The following BRD4 variants were observed in gnomAD, a reference collection of about 807,000 sequenced individuals.
BRD4 encodes the protein bromodomain containing 4.
Under a neutral mutation model 142.1 loss-of-function variants are expected in BRD4, and 16 were observed. That is an observed-to-expected ratio of 0.11 (90% CI 0.08 to 0.17). The LOEUF (loss-of-function observed/expected upper bound fraction) is 0.17. BRD4 is among the 10% of genes least tolerant of loss of function. The pLI is 1.00. For synonymous variants in BRD4, 833 were observed against 707.5 expected (o/e 1.18, Z -2.82); for missense variants, 1,424 against 1,810.9 (o/e 0.79, Z 3.88).
intron 11 of BRD4, chr19:15,246,908 G>GTACC: frequency 5.8e-6 from 1 of 171,876 alleles, no homozygotes; most frequent in Non-Finnish European, 1.3e-5. Flanking sequence ...GGTGGTAGAG[G>GTACC]TACCCCCTTC....
chr19:15,241,347 G>A lies in BRD4; in HGVS notation c.3170-1325C>T, dbSNP rs538526008. Among the ~76,000 whole-genome samples the A allele has an allele frequency of 7.2e-5, 11 of 152,364 alleles. No homozygotes were observed. The East Asian group carries it at 2.1e-3, about 29-fold the overall frequency. ...GACCTGGGCAACGGTAGGCTCCAGG[G>A]GCTGTGGTTTATAGAAACCACCTGC... On this transcript the variant is annotated intron_variant, in intron 14 of 19. Coordinates refer to ENST00000679869, the MANE Select transcript of BRD4 (RefSeq NM_001379291.1).
At chr19:15,250,023 G>A (rs1477103505) in intron 11 of BRD4, among the ~76,000 whole-genome samples, 3 of 152,118 alleles carry the variant, frequency 2.0e-5, no homozygotes, top group South Asian at 2.1e-4. Context: ...ACCAGGGAGG[G>A]GCACTGGGCT....
chr19:15,297,735 G>A (rs933816432), intron 1 of BRD4, among the ~76,000 whole-genome samples: 1 of 152,152 alleles, frequency 6.6e-6, no homozygotes, highest in Admixed American at 6.5e-5. Flanking sequence ...ACTCTAACCA[G>A]GCGTCCTCAC....
chr19:15,283,635 T>C (rs1415011783), intron 1 of BRD4, among the ~76,000 whole-genome samples: 2 of 152,286 alleles, frequency 1.3e-5, no homozygotes, highest in East Asian at 1.9e-4. Flanking sequence ...TCCTGTTATG[T>C]GTAAGTGGAA....
intron 1 of BRD4, among the ~76,000 whole-genome samples, chr19:15,275,061 GT>G (rs2047631640): frequency 6.6e-6 from 1 of 152,030 alleles, no homozygotes; most frequent in Admixed American, 6.6e-5. Context: ...GTTTCACCAT[GT>G]TGGCCAGGCT....
Position 15,238,844 on chromosome 19 carries a change from C to G in BRD4, c.3919G>C (p.Ala1307Pro). The G allele has an allele frequency of 6.2e-7, 1 of 1,601,630 alleles. No homozygotes were observed. The change falls in exon 19 of 20, where the codon GCC becomes CCC. Residue 1307 changes from alanine (A) to proline (P), a missense_variant. Physicochemically the swap from Ala to Pro is conservative, Grantham distance 27. Around this residue, in one of 16 missense-constraint regions of BRD4, gnomAD observed 109 missense variants for 117.9 expected, o/e 0.92. Transcript: ENST00000679869. This position sits in a 1 kb window ranked among gnomAD's most constrained non-coding sequence, Gnocchi z 7.2. ...QQQQAAAVAA[A>P]ATPQAQSSQP... is the part of the protein sequence containing the mutation. Reference sequence around the variant, plus strand: ...GAGCTCTGGGCCTGTGGGGTGGCGGCGGCAGCCACCGCAGCTGCTTGCTGT... The same window carrying G: ...GAGCTCTGGGCCTGTGGGGTGGCGGGGGCAGCCACCGCAGCTGCTTGCTGT...
At chr19:15,241,401 G>A (rs1047118346) in intron 14 of BRD4, among the ~76,000 whole-genome samples, 2 of 152,226 alleles carry the variant, frequency 1.3e-5, no homozygotes, top group Non-Finnish European at 2.9e-5. Context: ...GATGGCTCAC[G>A]GATGACTCCT....
In BRD4 at chr19:15,239,640, G is replaced by A. The variant is rs757054890; in HGVS notation, c.3445+19C>T. Reference sequence around the variant, plus strand: ...CTCGGGGGGCCTGAGCCCTGGCTGTGGGCAGGGAGAGCACTCACGCTGGGG... The same window carrying A: ...CTCGGGGGGCCTGAGCCCTGGCTGTAGGCAGGGAGAGCACTCACGCTGGGG... On this transcript the variant is annotated intron_variant, in intron 16 of 19. Transcript: ENST00000679869. The surrounding 1 kb of genome is among the most constrained non-coding windows in gnomAD (Gnocchi z 7.4). The A allele has an allele frequency of 1.3e-6, 2 of 1,565,904 alleles. No individual in the cohort carries two copies. The highest frequency in any genetic ancestry group is 1.9e-5 in the Admixed American group (1 of 51,810).
chr19:15,281,704 T>G (rs777332985), intron 1 of BRD4, among the ~76,000 whole-genome samples: 1 of 152,182 alleles, frequency 6.6e-6, no homozygotes, highest in African/African-American at 2.4e-5. Context: ...AAAACAAAAC[T>G]TTGACATGGA....
intron 1 of BRD4, among the ~76,000 whole-genome samples, chr19:15,314,410 C>T (rs2047999300): frequency 6.6e-6 from 1 of 152,080 alleles, no homozygotes; most frequent in African/African-American, 2.4e-5. Context: ...TTCACCATTC[C>T]CCAGATTAAA....
chr19:15,247,483 G>C (rs2145529927), intron 11 of BRD4: 1 of 233,208 alleles, frequency 4.3e-6, no homozygotes, highest in Non-Finnish European at 8.5e-6. Context: ...GGGCAAGAAG[G>C]ACAGGGTCCC....
intron 7 of BRD4, among the ~76,000 whole-genome samples, chr19:15,263,169 C>T (rs1211522069): frequency 2.6e-5 from 4 of 152,208 alleles, no homozygotes; most frequent in Admixed American, 6.5e-5. Context: ...AGCACACACC[C>T]GGTCTTCCAG....
At position 15,275,522 on chromosome 19, in the gene BRD4, G is replaced by C. The variant is rs1458660428; in HGVS notation, c.-34-2389C>G. The C allele has an allele frequency of 2.0e-5, 3 of 152,196 alleles. 1 individual carries two copies. In the East Asian group the frequency reaches 5.8e-4, roughly 29 times the overall value. 9.4% of individuals were successfully genotyped at this position (152,196 alleles called of 1,614,324 possible). A position where few individuals can be genotyped will look rare whatever the true frequency, so the allele number is the denominator to read the frequency against. Reference sequence around the variant, plus strand: ...TAGTGAGCTGCACACACACACATCAGAAGTGTCCAACACAGATGGTCGTGA... The same window carrying C: ...TAGTGAGCTGCACACACACACATCACAAGTGTCCAACACAGATGGTCGTGA... On this transcript the variant is annotated intron_variant, in intron 1 of 19. Coordinates refer to ENST00000679869, the MANE Select transcript of BRD4 (RefSeq NM_001379291.1).
intron 7 of BRD4, among the ~76,000 whole-genome samples, chr19:15,261,061 T>A (rs966599380): frequency 6.6e-6 from 1 of 152,256 alleles, no homozygotes. Context: ...GGTATCAATG[T>A]GAGCAGTGTG....
intron 11 of BRD4, 147 bp from the exon 12 acceptor site, chr19:15,244,909 T>C: frequency 1.4e-6 from 2 of 1,409,996 alleles, no homozygotes; most frequent in South Asian, 1.3e-5. Context: ...GAGGGATGAG[T>C]TGGTCATCAC....
In BRD4 at chr19:15,254,139, C is replaced by T; in HGVS notation, c.2158+13G>A. 1 of 1,609,882 alleles carries T rather than the reference C, an allele frequency of 6.2e-7. No individual in the cohort carries two copies. The highest frequency in any genetic ancestry group is 8.5e-7 in the Non-Finnish European group (1 of 1,176,160). Reference sequence around the variant, plus strand: ...AGAGTTTGGTAAGACACGTAGAACACAAGTCACCTAACCTGTTTCGGAGTC... The same window carrying T: ...AGAGTTTGGTAAGACACGTAGAACATAAGTCACCTAACCTGTTTCGGAGTC... On this transcript the variant is annotated intron_variant, in intron 11 of 19. Coordinates refer to ENST00000679869, the MANE Select transcript of BRD4 (RefSeq NM_001379291.1).
chr19:15,298,263 A>G (rs1169939555), intron 1 of BRD4, among the ~76,000 whole-genome samples: 1 of 152,254 alleles, frequency 6.6e-6, no homozygotes, highest in Non-Finnish European at 1.5e-5. Flanking sequence ...CTTGAATCTT[A>G]GCTAAGTATG....
rs1463916132 is a variant in BRD4, at chr19:15,244,781, G to A, written c.2159-19C>T. 6 of 1,614,010 alleles carry A rather than the reference G, an allele frequency of 3.7e-6. No homozygotes were observed. The highest frequency in any genetic ancestry group is 3.4e-6 in the Non-Finnish European group (4 of 1,180,038). The stretch of plus-strand genomic sequence containing the variant: ...GCCATCTCTGCAGAGGAAAAGAGAA[G>A]GTAGTGAGGCTCTGGGGGAGAAGGT... On this transcript the variant is annotated intron_variant, in intron 11 of 19. Coordinates refer to ENST00000679869, the MANE Select transcript of BRD4 (RefSeq NM_001379291.1).
intron 11 of BRD4, among the ~76,000 whole-genome samples, chr19:15,250,403 G>A (rs1191148608): frequency 2.6e-5 from 4 of 152,230 alleles, no homozygotes; most frequent in African/African-American, 9.6e-5. Context: ...GACCCTGGGG[G>A]TCAGGAAGCT....
Sources: allele counts gnomAD v4.1 joint callset (sites outside exome capture counted in the v4.1 genomes callset), GRCh38; gene constraint gnomAD v4.1.1; regional missense constraint gnomAD v4.1.1; non-coding constraint Gnocchi (gnomAD v3.1); transcripts MANE v1.5; gene names NCBI Gene and HGNC (gene_info 2026-07-23, HGNC 2026-07-21).